The following USP45 variants were observed in gnomAD, a reference collection of about 807,000 sequenced individuals.
USP45 encodes the protein ubiquitin specific peptidase 45, also known as ubiquitin carboxyl-terminal hydrolase 45.
In USP45, 89 loss-of-function variants were observed where a neutral mutation model predicts 95.8. The observed-to-expected ratio is 0.93, with a 90% CI of 0.78 to 1.11. The LOEUF is 1.11. USP45 is among the 50% of genes least tolerant of loss of function. The pLI, the probability that USP45 is intolerant of heterozygous loss-of-function variation, is 0.00. For synonymous variants in USP45, 281 were observed against 316.2 expected (o/e 0.89, Z 1.18); for missense variants, 898 against 942.5 (o/e 0.95, Z 0.62).
intron 8 of USP45, among the ~76,000 whole-genome samples, chr6:99,481,828 C>T (rs973307710): frequency 2.6e-5 from 4 of 151,922 alleles, no homozygotes; most frequent in African/African-American, 7.3e-5. Context: ...TCCATGTTGT[C>T]GCAAAGAATA....
At chr6:99,508,102 A>G (rs564491770) in intron 3 of USP45, among the ~76,000 whole-genome samples, 2 of 152,368 alleles carry the variant, frequency 1.3e-5, no homozygotes, top group East Asian at 3.9e-4. Flanking sequence ...TTTCCATTAA[A>G]TTAACTAATC....
rs1304181625 is a variant in USP45 at position 99,464,761 on chromosome 6, A to T, written c.1165-14T>A. On this transcript the variant is annotated splice_polypyrimidine_tract_variant and intron_variant, in intron 12 of 17. Transcript: ENST00000500704. ...AGGTTTTGAAACCTATGTAAATGCC[A>T]CATACAGAAACCAAAACCTCTTTAG... is the stretch of plus-strand genomic sequence containing the variant. The T allele has an allele frequency of 6.3e-7, 1 of 1,582,612 alleles. No individual in the cohort carries two copies. Among genetic ancestry groups the T allele is most frequent in the African/African-American group, 1.4e-5 (1 of 73,498 alleles).
chr6:99,488,728 C>G lies in USP45; in HGVS notation c.571G>C (p.Gly191Arg). 6.2e-7 allele frequency: 1 copy of G among 1,606,114 alleles called. No individual in the cohort carries two copies. Among genetic ancestry groups the G allele is most frequent in the Non-Finnish European group, 8.5e-7 (1 of 1,176,876 alleles). The change falls in exon 6 of 18, where the codon GGA (glycine) becomes CGA (arginine). Residue 191 changes from glycine (G) to arginine (R), a missense_variant. By Grantham distance (125) the Gly-to-Arg change is moderately radical (BLOSUM62 -2). Coordinates refer to ENST00000500704, the MANE Select transcript of USP45 (RefSeq NM_001346022.3). ...GGKCRNLSVRGITNLGNTCFF... is the reference protein window; with the variant it reads ...GGKCRNLSVRRITNLGNTCFF... ...CAAGTATTTCCTAAATTTGTAATTC[C>G]TCTTACAGATAAATTTCTGCATTTT...
rs182982247 is a variant in USP45, at chr6:99,483,557, G to A, written c.715-674C>T. On this transcript the variant is annotated intron_variant, in intron 7 of 17. Coordinates refer to ENST00000500704, the MANE Select transcript of USP45 (RefSeq NM_001346022.3). ...GGGACATTAAAGAATGTTATCTTCCGGCCGGGCGCGGTGGCTCACGCCTGT... is the reference window on the plus strand; with the variant it reads ...GGGACATTAAAGAATGTTATCTTCCAGCCGGGCGCGGTGGCTCACGCCTGT... Among the ~76,000 whole-genome samples the A allele has an allele frequency of 1.9e-4, 29 of 152,190 alleles. No individual in the cohort carries two copies. In the East Asian group the frequency reaches 4.6e-3, roughly 24 times the overall value.
chr6:99,464,813 T>A, intron 12 of USP45, 66 bp from the exon 13 acceptor site: 1 of 1,481,772 alleles, frequency 6.7e-7, no homozygotes, highest in Non-Finnish European at 9.0e-7. Context: ...GTCCTCATCT[T>A]AAAATTTTTG....
intron 5 of USP45, among the ~76,000 whole-genome samples, chr6:99,493,349 T>C (rs1017749281): frequency 6.6e-6 from 1 of 152,092 alleles, no homozygotes; most frequent in Non-Finnish European, 1.5e-5. Flanking sequence ...ATGATAACTG[T>C]AATATCTCAG....
At chr6:99,494,856 T>C (rs1369037525) in intron 5 of USP45, among the ~76,000 whole-genome samples, 1 of 152,102 alleles carries the variant, frequency 6.6e-6, no homozygotes, top group African/African-American at 2.4e-5. Flanking sequence ...ATCATGCCAC[T>C]GCACTCCAGA....
intron 13 of USP45, among the ~76,000 whole-genome samples, chr6:99,459,358 TACA>T (rs1042277762): frequency 8.5e-4 from 129 of 152,346 alleles, no homozygotes; most frequent in African/African-American, 2.9e-3. Context: ...GGTGTATATG[TACA>T]ACATTTTCTT....
At position 99,475,317 on chromosome 6, in the gene USP45, C is replaced by CT. The variant is rs34747235; in HGVS notation, c.933+825dup. Reference sequence around the variant, plus strand: ...AATATCTCCCTGCATCTTAAGATTCCTTTTTTTTTTTTTTTTTTTTACAGC... The same window carrying CT: ...AATATCTCCCTGCATCTTAAGATTCCTTTTTTTTTTTTTTTTTTTTTACAGC... On this transcript the variant is annotated intron_variant, in intron 9 of 17. Transcript: ENST00000500704. Among the ~76,000 whole-genome samples, 113 of 124,740 alleles carry CT rather than the reference C, an allele frequency of 9.1e-4. 1 individual carries two copies. The highest frequency in any genetic ancestry group is 8.3e-3 in the Middle Eastern group (2 of 240). 81.8% of individuals were successfully genotyped at this position (124,740 alleles called of 152,430 possible).
intron 16 of USP45, among the ~76,000 whole-genome samples, 193 bp from the exon 17 acceptor site, chr6:99,437,592 G>A (rs769260297): frequency 2.6e-5 from 4 of 152,188 alleles, no homozygotes; most frequent in African/African-American, 4.8e-5. Context: ...GGGGAAAAGA[G>A]CACTCACACA....
At chr6:99,476,105 C>G (rs1471080372) in intron 9 of USP45, 38 bp downstream of exon 9, 1 of 1,586,066 alleles carries the variant, frequency 6.3e-7, no homozygotes, top group Non-Finnish European at 8.6e-7. Context: ...GTATCCTCTT[C>G]TTGAAGAGAA....
chr6:99,517,593 C>G (rs1801189376), upstream of USP45, among the ~76,000 whole-genome samples: 1 of 138,602 alleles, frequency 7.2e-6, no homozygotes, highest in Non-Finnish European at 1.5e-5. Context: ...TGCCACCACA[C>G]ATAGCTAATT....
chr6:99,484,922 A>G (rs2128717942), intron 7 of USP45, among the ~76,000 whole-genome samples: 1 of 152,306 alleles, frequency 6.6e-6, no homozygotes, highest in South Asian at 2.1e-4. Flanking sequence ...AGTAAAATCT[A>G]AGGTAATTTT....
chr6:99,517,765 G>A (rs1801196893), upstream of USP45, among the ~76,000 whole-genome samples: 1 of 151,310 alleles, frequency 6.6e-6, no homozygotes, highest in Non-Finnish European at 1.5e-5. Context: ...ACACCAAATT[G>A]AACCAGATAT....
chr6:99,477,154 C>A (rs922905310), intron 8 of USP45, among the ~76,000 whole-genome samples: 1 of 152,136 alleles, frequency 6.6e-6, no homozygotes, highest in Non-Finnish European at 1.5e-5. Context: ...CAACATATCT[C>A]ATGTGATATA....
chr6:99,461,358 T>G, intron 13 of USP45: 1 of 985,420 alleles, frequency 1.0e-6, no homozygotes, highest in African/African-American at 1.7e-5. Flanking sequence ...TAGCCATTTG[T>G]TGCAGCTCAT....
rs79800190 is a variant in USP45 at position 99,501,369 on chromosome 6, A to C, written c.478+2396T>G. On this transcript the variant is annotated intron_variant, in intron 5 of 17. Coordinates refer to ENST00000500704, the MANE Select transcript of USP45 (RefSeq NM_001346022.3). ...TTCTATTACACTTCCAAAAAAATAA[A>C]AATTCCTTACCATGGAGTTCATTAC... Among the ~76,000 whole-genome samples, 1,228 of 152,314 alleles carry C rather than the reference A, an allele frequency of 8.1e-3. 16 individuals carry two copies. Among genetic ancestry groups the C allele is most frequent in the African/African-American group, 0.028 (1,176 of 41,560 alleles).
At chr6:99,517,542 C>T (rs1667822680), upstream of USP45, among the ~76,000 whole-genome samples, 1 of 151,608 alleles carries the variant, frequency 6.6e-6, no homozygotes, top group South Asian at 2.1e-4. Flanking sequence ...TCAAGCAATT[C>T]TCCTGCCTCA....
At chr6:99,469,468 T>TA (rs1788794296) in intron 9 of USP45, among the ~76,000 whole-genome samples, 2 of 111,030 alleles carry the variant, frequency 1.8e-5, no homozygotes, top group South Asian at 3.0e-4. Context: ...TTAATATATA[T>TA]ATAATATATA....
Sources: gnomAD v4.1 joint callset for allele counts (sites outside exome capture counted in the v4.1 genomes callset) on GRCh38, gnomAD v4.1.1 for gene constraint, MANE v1.5 for transcripts, NCBI Gene and HGNC (gene_info 2026-07-23, HGNC 2026-07-21) for gene names.